The following LDLRAD4 variants were observed in gnomAD, a reference collection of about 807,000 sequenced individuals.
LDLRAD4 encodes low-density lipoprotein receptor class A domain-containing protein 4.
Under a neutral mutation model 17.0 loss-of-function variants are expected in LDLRAD4, and 5 were observed. The observed-to-expected ratio is 0.29, with a 90% confidence interval of 0.15 to 0.62. The LOEUF is 0.62. Ranked by LOEUF, LDLRAD4 falls within the 20% of genes least tolerant of loss-of-function variation. The pLI is 0.84. For missense variants in LDLRAD4, 340 were observed against 424.7 expected, an observed-to-expected ratio of 0.80 and a Z score of 1.75; for synonymous variants, 168 against 171.8, an observed-to-expected ratio of 0.98 and a Z score of 0.17.
intron 3 of LDLRAD4, among the ~76,000 whole-genome samples, chr18:13,588,611 G>A (rs887942416): frequency 1.3e-5 from 2 of 151,826 alleles, no homozygotes; most frequent in Admixed American, 6.6e-5. Context: ...CTCACCAAGC[G>A]AAGGGACAGC....
At chr18:13,468,486 A>G (rs186312084) in intron 3 of LDLRAD4, among the ~76,000 whole-genome samples, 119 of 152,334 alleles carry the variant, frequency 7.8e-4, no homozygotes, top group Admixed American at 2.7e-3. Context: ...TTGACCCAGC[A>G]ATCCCATTAC....
At chr18:13,379,311 CCAG>C (rs1476806039) in intron 1 of LDLRAD4, among the ~76,000 whole-genome samples, 2 of 152,240 alleles carry the variant, frequency 1.3e-5, no homozygotes, top group African/African-American at 4.8e-5. Context: ...CACCCCCAGG[CCAG>C]CAGCCACTTG....
At chr18:13,478,870 A>G (rs2093013307) in intron 3 of LDLRAD4, among the ~76,000 whole-genome samples, 1 of 152,244 alleles carries the variant, frequency 6.6e-6, no homozygotes, top group South Asian at 2.1e-4. Flanking sequence ...TGCCTGCCTT[A>G]AAGACTTACC....
chr18:13,311,337 G>A (rs569518240), intron 1 of LDLRAD4, among the ~76,000 whole-genome samples: 2 of 152,356 alleles, frequency 1.3e-5, no homozygotes, highest in African/African-American at 2.4e-5. Flanking sequence ...CCTGCCTACC[G>A]ATCCACCCTC....
chr18:13,609,571 A>G (rs571977320), intron 3 of LDLRAD4, among the ~76,000 whole-genome samples: 2 of 151,562 alleles, frequency 1.3e-5, no homozygotes, highest in Non-Finnish European at 1.5e-5. Context: ...GGTGTGGGCA[A>G]TGTTTTCAAA....
intron 1 of LDLRAD4, among the ~76,000 whole-genome samples, chr18:13,349,796 C>G (rs185987701): frequency 6.6e-6 from 1 of 152,028 alleles, no homozygotes; most frequent in Non-Finnish European, 1.5e-5. Context: ...CCCCCACCCC[C>G]CAACTGGCCC....
chr18:13,358,276 A>G (rs1412838815), intron 1 of LDLRAD4, among the ~76,000 whole-genome samples: 8 of 151,902 alleles, frequency 5.3e-5, no homozygotes, highest in Admixed American at 4.6e-4. Flanking sequence ...ATTTATATCT[A>G]TGCATCTATT....
chr18:13,245,487 T>G (rs1246647344), intron 1 of LDLRAD4, among the ~76,000 whole-genome samples: 6 of 152,220 alleles, frequency 3.9e-5, no homozygotes, highest in Non-Finnish European at 7.3e-5. Context: ...ATCATCACTT[T>G]TCATATGTGA....
chr18:13,432,402 C>G (rs2090402036), intron 2 of LDLRAD4, among the ~76,000 whole-genome samples: 1 of 152,222 alleles, frequency 6.6e-6, no homozygotes, highest in African/African-American at 2.4e-5. Context: ...AGTCCTTTTC[C>G]CTTTTTGATA....
chr18:13,338,282 C>T (rs1055549321), intron 1 of LDLRAD4, among the ~76,000 whole-genome samples: 3 of 152,140 alleles, frequency 2.0e-5, no homozygotes, highest in Non-Finnish European at 2.9e-5. Context: ...ATGTTCTCCC[C>T]TGTTTTGTTT....
rs1037946807 is a variant in LDLRAD4, at chr18:13,376,259, G to C, written c.-382-11082G>C. On this transcript the variant is annotated intron_variant, in intron 1 of 5. Coordinates refer to ENST00000359446, the Ensembl canonical transcript of LDLRAD4. ...CCTACTTGTCAACTCCAGTGGGGAA[G>C]GGAATAAATAAGGGCCAGATTCTGA... is the stretch of plus-strand genomic sequence containing the variant. 2.6e-5 allele frequency among the ~76,000 whole-genome samples: 4 copies of C among 152,344 alleles called. No individual in the cohort carries two copies. In the East Asian group the frequency reaches 7.7e-4, roughly 29 times the overall value.
chr18:13,414,452 A>G (rs796152778), intron 2 of LDLRAD4, among the ~76,000 whole-genome samples: 26 of 152,378 alleles, frequency 1.7e-4, no homozygotes, highest in African/African-American at 6.3e-4. Flanking sequence ...GGACCCAGAC[A>G]CTGGAGTGCA....
At chr18:13,500,758 G>A (rs1490540563) in intron 3 of LDLRAD4, 1 of 152,272 alleles carries the variant, frequency 6.6e-6, no homozygotes, top group African/African-American at 2.4e-5. Context: ...GCCACAACAC[G>A]AATGTGGATT....
chr18:13,437,717 G>C (rs2090757939), intron 2 of LDLRAD4, among the ~76,000 whole-genome samples: 2 of 152,218 alleles, frequency 1.3e-5, no homozygotes, highest in South Asian at 4.1e-4. Flanking sequence ...TGAGAGGAAT[G>C]AACATCAGAG....
Position 13,514,189 on chromosome 18 carries a change from G to A in LDLRAD4, c.181+75805G>A, listed in dbSNP as rs147809819. On this transcript the variant is annotated intron_variant, in intron 3 of 5. Transcript: ENST00000359446. ...ATTTTCAAAGAATCCATAATAACTC[G>A]TGGAGGGCTGAAGTCCTGGGTTGTA... Among the ~76,000 whole-genome samples, 847 of 152,286 alleles carry A rather than the reference G, an allele frequency of 5.6e-3. 5 individuals carry two copies. The highest frequency in any genetic ancestry group is 0.019 in the African/African-American group (781 of 41,544).
At chr18:13,633,495 C>A (rs1011179136) in intron 4 of LDLRAD4, among the ~76,000 whole-genome samples, 14 of 152,174 alleles carry the variant, frequency 9.2e-5, no homozygotes, top group African/African-American at 3.1e-4. Flanking sequence ...CCACACCAAC[C>A]CACCCTCAGC....
intron 4 of LDLRAD4, among the ~76,000 whole-genome samples, chr18:13,629,777 G>GA (rs201708526): frequency 0.029 from 4,204 of 143,956 alleles, 57 homozygotes; most frequent in South Asian, 0.038. Context: ...GGTTTGTTCT[G>GA]AAAAAAAAAA....
At chr18:13,572,870 C>T (rs2094712560) in intron 3 of LDLRAD4, among the ~76,000 whole-genome samples, 1 of 152,198 alleles carries the variant, frequency 6.6e-6, no homozygotes, top group Non-Finnish European at 1.5e-5. Flanking sequence ...ATGCCCTGTC[C>T]CTTCCCGATA....
chr18:13,234,530 C>T (rs1158356490), intron 1 of LDLRAD4, among the ~76,000 whole-genome samples: 1 of 149,808 alleles, frequency 6.7e-6, no homozygotes, highest in African/African-American at 2.5e-5. Context: ...GTGGGCAGGT[C>T]CACAGACTCG....
Sources: allele counts gnomAD v4.1 joint callset (sites outside exome capture counted in the v4.1 genomes callset), GRCh38; gene constraint gnomAD v4.1.1; transcripts MANE v1.5; gene names NCBI Gene and HGNC (gene_info 2026-07-23, HGNC 2026-07-21).